Variants in SPTBN1 observed in about 807,000 individuals in gnomAD.
SPTBN1 encodes the protein spectrin beta chain, non-erythrocytic 1.
Under a neutral mutation model 266.4 loss-of-function variants are expected in SPTBN1, and 32 were observed. That is an observed-to-expected ratio of 0.12 (90% CI 0.09 to 0.16). SPTBN1 has a LOEUF of 0.16. Among genes scored for constraint, SPTBN1 ranks in the 10% least tolerant of loss-of-function variants. The pLI is 1.00. For missense variants in SPTBN1, 2,296 were observed against 3,067.1 expected (o/e 0.75, Z 5.94); for synonymous variants, 1,336 against 1,162.2 (o/e 1.15, Z -3.04).
At chr2:54,658,273 C>T (rs575187179) in intron 30 of SPTBN1, among the ~76,000 whole-genome samples, 27 of 152,240 alleles carry the variant, frequency 1.8e-4, no homozygotes, top group Non-Finnish European at 3.5e-4. Flanking sequence ...TTTATGATCC[C>T]TTATAGTAGC....
intron 2 of SPTBN1, among the ~76,000 whole-genome samples, chr2:54,534,580 G>C (rs1019691579): frequency 6.6e-6 from 1 of 152,152 alleles, no homozygotes; most frequent in Non-Finnish European, 1.5e-5. Context: ...TCTCACCATA[G>C]AGGTGGAAGA....
At chr2:54,546,830 T>G (rs1283413584) in intron 2 of SPTBN1, among the ~76,000 whole-genome samples, 2 of 152,174 alleles carry the variant, frequency 1.3e-5, no homozygotes, top group East Asian at 3.8e-4. Context: ...TTGAGAATGT[T>G]TGATTTGAGC....
At chr2:54,556,984 C>T (rs1007368529) in intron 2 of SPTBN1, among the ~76,000 whole-genome samples, 1 of 152,076 alleles carries the variant, frequency 6.6e-6, no homozygotes, top group Non-Finnish European at 1.5e-5. Context: ...GCCTAGCCTC[C>T]CATCAGCATT....
At chr2:54,571,679 C>T (rs1011147607) in intron 2 of SPTBN1, among the ~76,000 whole-genome samples, 8 of 136,936 alleles carry the variant, frequency 5.8e-5, no homozygotes, top group Admixed American at 3.5e-4. Context: ...TTGTGAACTC[C>T]CAGGAGGATA....
chr2:54,544,418 G>GT (rs1400763826), intron 2 of SPTBN1, among the ~76,000 whole-genome samples: 1 of 152,148 alleles, frequency 6.6e-6, no homozygotes, highest in Non-Finnish European at 1.5e-5. Flanking sequence ...GATACCTCAG[G>GT]TATCTCATTT....
intron 1 of SPTBN1, among the ~76,000 whole-genome samples, chr2:54,482,722 A>G (rs1668161628): frequency 6.6e-6 from 1 of 152,328 alleles, no homozygotes; most frequent in South Asian, 2.1e-4. Flanking sequence ...GATATAGAAC[A>G]TTTCCATCAC....
intron 4 of SPTBN1, 79 bp downstream of exon 4, chr2:54,612,413 T>C: frequency 6.9e-7 from 1 of 1,454,588 alleles, no homozygotes; most frequent in Non-Finnish European, 9.2e-7. Flanking sequence ...CTGGCCTCCC[T>C]GTATCAGAGG....
chr2:54,473,279 G>A (rs1266698923), intron 1 of SPTBN1, among the ~76,000 whole-genome samples: 1 of 152,122 alleles, frequency 6.6e-6, no homozygotes, highest in Non-Finnish European at 1.5e-5. Flanking sequence ...TTTAGAATAT[G>A]TTAAAAACCA....
chr2:54,472,518 T>G (rs957097766), intron 1 of SPTBN1, among the ~76,000 whole-genome samples: 3 of 152,206 alleles, frequency 2.0e-5, no homozygotes, highest in African/African-American at 7.2e-5. Flanking sequence ...CTGCAGTACT[T>G]AGTTCTTGTT....
intron 1 of SPTBN1, among the ~76,000 whole-genome samples, chr2:54,509,636 A>C (rs1246995850): frequency 6.6e-6 from 1 of 152,248 alleles, no homozygotes; most frequent in Non-Finnish European, 1.5e-5. Flanking sequence ...GAAAGCCTTC[A>C]TTAATTACAG....
Position 54,530,087 on chromosome 2 carries a change from G to A in SPTBN1, c.148+3521G>A, listed in dbSNP as rs146638645. On this transcript the variant is annotated intron_variant, in intron 2 of 35. Transcript: ENST00000356805. ...TAAAAATGTACATATCACATTTCCT[G>A]TGTCCCTCTAGGGCTTTCGGTAGAT... is the stretch of plus-strand genomic sequence containing the variant. 1.2e-4 allele frequency among the ~76,000 whole-genome samples: 19 copies of A among 152,144 alleles called. No homozygotes were observed. The East Asian group carries it at 3.5e-3, about 28-fold the overall frequency.
Position 54,664,665 on chromosome 2 carries a change from G to C in SPTBN1, c.6633G>C (p.Glu2211Asp), listed in dbSNP as rs769707425. ...EGFLNRKHEWEAHNKKASSRS... is the reference protein window; with the variant it reads ...EGFLNRKHEWDAHNKKASSRS... ...TCCTCAATCGGAAACACGAGTGGGA[G>C]GCCCACAATAAGAAAGCCTCAAGCA... Residue 2211 changes from glutamate (E) to aspartate (D), a missense_variant, in exon 33 of 36, where the codon GAG (glutamate) becomes GAC (aspartate). By Grantham distance (45) the Glu-to-Asp change is conservative (BLOSUM62 2). Transcript: ENST00000356805. The surrounding 1 kb of genome is among the most constrained non-coding windows in gnomAD (Gnocchi z 5.6). 1 of 1,614,132 alleles carries C rather than the reference G, an allele frequency of 6.2e-7. No individual in the cohort carries two copies. The highest frequency in any genetic ancestry group is 8.5e-7 in the Non-Finnish European group (1 of 1,180,024).
chr2:54,610,865 A>C (rs1014208409), intron 3 of SPTBN1, among the ~76,000 whole-genome samples: 3 of 152,230 alleles, frequency 2.0e-5, no homozygotes, highest in African/African-American at 7.2e-5. Flanking sequence ...ACTGTGAAAA[A>C]TACACAAGAA....
At chr2:54,630,078 G>C in intron 15 of SPTBN1, 49 bp downstream of exon 15, 2 of 1,590,688 alleles carry the variant, frequency 1.3e-6, no homozygotes, top group Non-Finnish European at 1.7e-6. Context: ...TGGGACTGGG[G>C]AGGGTGAGGT....
chr2:54,607,757 T>G (rs1485602506), intron 3 of SPTBN1, among the ~76,000 whole-genome samples: 1 of 152,224 alleles, frequency 6.6e-6, no homozygotes, highest in African/African-American at 2.4e-5. Context: ...CAATCCCCTG[T>G]GGATACCAAG....
Position 54,533,229 on chromosome 2 carries a change from GGC to G in SPTBN1, c.148+6664_148+6665del, listed in dbSNP as rs1247639535. Among the ~76,000 whole-genome samples the G allele has an allele frequency of 6.6e-6, 1 of 151,998 alleles. No individual in the cohort carries two copies. Among genetic ancestry groups the G allele is most frequent in the Non-Finnish European group, 1.5e-5 (1 of 67,992 alleles). On this transcript the variant is annotated intron_variant, in intron 2 of 35. Transcript: ENST00000356805. The surrounding 1 kb of genome is among the most constrained non-coding windows in gnomAD (Gnocchi z 4.2). ...AAGATTTCATCACAGTGCTCAGGAT[GGC>G]ATGCAATTTAAAACGTATGAATTGC...
At chr2:54,515,879 T>C (rs1171306443) in intron 1 of SPTBN1, 2 of 152,098 alleles carry the variant, frequency 1.3e-5, no homozygotes, top group African/African-American at 4.8e-5. Flanking sequence ...ATGCCATAGA[T>C]ACATTATATA....
At chr2:54,605,870 G>T (rs956825055) in intron 3 of SPTBN1, among the ~76,000 whole-genome samples, 1 of 152,136 alleles carries the variant, frequency 6.6e-6, no homozygotes, top group Non-Finnish European at 1.5e-5. Flanking sequence ...TCCAGGTCTG[G>T]AATGAACCAT....
intron 2 of SPTBN1, among the ~76,000 whole-genome samples, chr2:54,586,392 A>G (rs1046208520): frequency 6.6e-6 from 1 of 152,212 alleles, no homozygotes; most frequent in East Asian, 1.9e-4. Context: ...ATTTATGTTC[A>G]TTTATTTTTA....
Sources: allele counts gnomAD v4.1 joint callset (sites outside exome capture counted in the v4.1 genomes callset), GRCh38; gene constraint gnomAD v4.1.1; non-coding constraint Gnocchi (gnomAD v3.1); transcripts MANE v1.5; gene names NCBI Gene and HGNC (gene_info 2026-07-23, HGNC 2026-07-21).